The following B9D1 variants were observed in gnomAD, a reference collection of about 807,000 sequenced individuals.
B9D1 encodes B9 domain-containing protein 1.
A neutral mutation model predicts 26.1 loss-of-function variants in B9D1; 20 were observed. The ratio of observed to expected loss-of-function variants is 0.77; its 90% CI spans 0.54 to 1.12. The LOEUF (loss-of-function observed/expected upper bound fraction) is 1.12. B9D1 is among the 50% of genes most tolerant of loss of function. The pLI is 0.00. For synonymous variants in B9D1, 105 were observed against 103.1 expected (o/e 1.02, Z -0.11); for missense variants, 260 against 273.7 (o/e 0.95, Z 0.35).
rs1037990112 is a variant in B9D1, at chr17:19,370,413, G to A, written c.-298+7446C>T. ...AGAGCAGAGGGCCAGGAGAAGGGGC[G>A]TGTGGCTGTGTGGTTGACATCTCGA... On this transcript the variant is annotated intron_variant, in intron 1 of 5. Coordinates refer to the B9D1 transcript ENST00000477478. This position sits in a 1 kb window ranked among gnomAD's most constrained non-coding sequence, Gnocchi z 5.1. 2.0e-5 allele frequency among the ~76,000 whole-genome samples: 3 copies of A among 152,208 alleles called. No individual in the cohort carries two copies. Among genetic ancestry groups the A allele is most frequent in the Non-Finnish European group, 2.9e-5 (2 of 68,036 alleles).
chr17:19,337,817 G>A (rs1907574461), downstream of B9D1: 2 of 919,760 alleles, frequency 2.2e-6, no homozygotes, highest in African/African-American at 3.5e-5. Context: ...TTGCCTCACT[G>A]CCACTCACAC....
chr17:19,365,908 C>G (rs1354668778), upstream of B9D1, among the ~76,000 whole-genome samples: 1 of 150,708 alleles, frequency 6.6e-6, no homozygotes, highest in African/African-American at 2.4e-5. This position sits in a 1 kb window ranked among gnomAD's most constrained non-coding sequence, Gnocchi z 5.0. Context: ...TGCAGCTATT[C>G]TTGTTGCTGA....
At chr17:19,355,831 C>G (rs1224771058) in intron 3 of B9D1, among the ~76,000 whole-genome samples, 1 of 151,624 alleles carries the variant, frequency 6.6e-6, no homozygotes, top group Non-Finnish European at 1.5e-5. Context: ...AAGACTCAGT[C>G]TCAAAAAAAA....
intron 6 of B9D1, 65 bp from the exon 7 acceptor site, chr17:19,343,526 G>A: frequency 6.2e-7 from 1 of 1,609,838 alleles, no homozygotes; most frequent in African/African-American, 1.3e-5. Context: ...GGTTGATCTG[G>A]GAATCTCAGC....
downstream of B9D1, chr17:19,335,989 T>G (rs534468050): frequency 1.3e-5 from 2 of 152,582 alleles, no homozygotes; most frequent in African/African-American, 4.8e-5. Flanking sequence ...GCTGACCACC[T>G]GCCAGCCCCT....
At chr17:19,363,059 G>C (rs1911346121), upstream of B9D1, 4 of 205,686 alleles carry the variant, frequency 1.9e-5, no homozygotes, top group Admixed American at 5.4e-5. Flanking sequence ...GCGAGGACGC[G>C]GAGGGAGGCG....
chr17:19,348,223 G>C (rs921687783), intron 3 of B9D1, among the ~76,000 whole-genome samples: 1 of 152,152 alleles, frequency 6.6e-6, no homozygotes, highest in Non-Finnish European at 1.5e-5. Context: ...GCCGACTAAG[G>C]ACCTCTGCTC....
At position 19,357,967 on chromosome 17, in the gene B9D1, C is replaced by G; in HGVS notation, c.133-16G>C. 6.2e-7 allele frequency: 1 copy of G among 1,601,456 alleles called. No homozygotes were observed. Among genetic ancestry groups the G allele is most frequent in the Non-Finnish European group, 8.6e-7 (1 of 1,168,506 alleles). ...CCTCCAGACCCTGTGAGGACAGTGACACAGACGGCTGGATTCAGAGCAGAG... is the reference window on the plus strand; with the variant it reads ...CCTCCAGACCCTGTGAGGACAGTGAGACAGACGGCTGGATTCAGAGCAGAG... On this transcript the variant is annotated splice_polypyrimidine_tract_variant and intron_variant, in intron 2 of 6. Transcript: ENST00000261499.
downstream of B9D1, chr17:19,335,079 G>T: frequency 5.1e-6 from 1 of 196,004 alleles, no homozygotes; most frequent in Non-Finnish European, 1.0e-5. Flanking sequence ...AGAGATGTTT[G>T]GATGACAAAA....
intron 2 of B9D1, 21 bp from the exon 3 acceptor site, chr17:19,357,972 A>C: frequency 6.3e-7 from 1 of 1,594,602 alleles, no homozygotes; most frequent in East Asian, 2.2e-5. Context: ...AGTGACACAG[A>C]CGGCTGGATT....
chr17:19,335,295 A>T (rs1019014040), downstream of B9D1: 1 of 1,108,798 alleles, frequency 9.0e-7, no homozygotes, highest in African/African-American at 1.6e-5. Flanking sequence ...AGATCCTGAG[A>T]GGCTATTTTT....
chr17:19,341,233 A>T, downstream of B9D1: 3 of 1,231,724 alleles, frequency 2.4e-6, no homozygotes, highest in Non-Finnish European at 3.0e-6. Flanking sequence ...GGCTTCAGGG[A>T]AGCTTCAGGT....
intron 3 of B9D1, among the ~76,000 whole-genome samples, chr17:19,348,130 G>A (rs1909108240): frequency 1.3e-5 from 2 of 152,028 alleles, no homozygotes; most frequent in Admixed American, 6.5e-5. Context: ...CCGCTATGGA[G>A]TCAGTGCCCA....
downstream of B9D1, among the ~76,000 whole-genome samples, chr17:19,336,900 G>T (rs1306919283): frequency 2.6e-5 from 4 of 152,178 alleles, no homozygotes; most frequent in Admixed American, 1.3e-4. Context: ...AAAGGGGGTG[G>T]GAGGCGTGCC....
At chr17:19,356,243 C>G (rs1353366692) in intron 3 of B9D1, among the ~76,000 whole-genome samples, 1 of 152,010 alleles carries the variant, frequency 6.6e-6, no homozygotes, top group Non-Finnish European at 1.5e-5. Flanking sequence ...AGGCGCCCAC[C>G]CCCATGCCAA....
chr17:19,377,315 C>G (rs1912182931), intron 1 of B9D1, among the ~76,000 whole-genome samples: 1 of 152,102 alleles, frequency 6.6e-6, no homozygotes, highest in Non-Finnish European at 1.5e-5. Flanking sequence ...GATGGCTGCT[C>G]AACTGTGAAT....
At chr17:19,344,772 A>G (rs1156507197) in intron 5 of B9D1, among the ~76,000 whole-genome samples, 2 of 152,214 alleles carry the variant, frequency 1.3e-5, no homozygotes, top group Non-Finnish European at 2.9e-5. Context: ...AGAGGGGCCC[A>G]GGCCAGGGAG....
Position 19,362,709 on chromosome 17 carries a change from G to A in B9D1, c.-140C>T. The A allele has an allele frequency of 6.5e-7, 1 of 1,531,138 alleles. No homozygotes were observed. Among genetic ancestry groups the A allele is most frequent in the Non-Finnish European group, 8.8e-7 (1 of 1,141,908 alleles). 94.8% of individuals were successfully genotyped at this position (1,531,138 alleles called of 1,614,324 possible). A position where few individuals can be genotyped will look rare whatever the true frequency, so the allele number is the denominator to read the frequency against. On this transcript the variant is annotated 5_prime_UTR_variant, in exon 1 of 7. Coordinates refer to ENST00000261499, the MANE Select transcript of B9D1 (RefSeq NM_015681.6). ...ACACCTTCGCGAAGGCCACGCGAGT[G>A]CGCGTGTGGCATGCGCAGGCGCAGT...
At chr17:19,376,330 T>G (rs1912097297) in intron 1 of B9D1, among the ~76,000 whole-genome samples, 1 of 152,184 alleles carries the variant, frequency 6.6e-6, no homozygotes, top group Middle Eastern at 3.2e-3. Flanking sequence ...CCTGAAAGAC[T>G]GGTTCAGGCC....
Sources: gnomAD v4.1 joint callset for allele counts (sites outside exome capture counted in the v4.1 genomes callset) on GRCh38, gnomAD v4.1.1 for gene constraint, Gnocchi (gnomAD v3.1) non-coding constraint, MANE v1.5 for transcripts, NCBI Gene and HGNC (gene_info 2026-07-23, HGNC 2026-07-21) for gene names.